Variants in ZNF106 observed in about 807,000 individuals in gnomAD.
ZNF106 encodes the protein zinc finger protein 106.
ZNF106 carries 67 observed loss-of-function variants against 195.1 expected under a neutral mutation model. The ratio of observed to expected loss-of-function variants is 0.34; its 90% CI spans 0.28 to 0.42. The LOEUF is 0.42. Among genes scored for constraint, ZNF106 ranks in the 10% least tolerant of loss-of-function variants. The pLI, the probability that ZNF106 is intolerant of heterozygous loss-of-function variation, is 1.00. For synonymous variants in ZNF106, 784 were observed against 818.6 expected (o/e 0.96, Z 0.72); for missense variants, 2,118 against 2,304.5 (o/e 0.92, Z 1.66).
intron 7 of ZNF106, among the ~76,000 whole-genome samples, chr15:42,445,214 TTC>T (rs1426149928): frequency 2.0e-5 from 3 of 152,196 alleles, no homozygotes; most frequent in African/African-American, 7.2e-5. Flanking sequence ...CATCACATCA[TTC>T]TGTCTCATCT....
intron 18 of ZNF106, among the ~76,000 whole-genome samples, chr15:42,422,249 C>G (rs1238574606): frequency 6.6e-6 from 1 of 151,942 alleles, no homozygotes; most frequent in Non-Finnish European, 1.5e-5. Flanking sequence ...ACAAGGAGAA[C>G]TAGACAGGTT....
At chr15:42,433,112 A>AT (rs1322197546) in intron 14 of ZNF106, among the ~76,000 whole-genome samples, 1 of 151,430 alleles carries the variant, frequency 6.6e-6, no homozygotes, top group African/African-American at 2.4e-5. Context: ...TTATTTATTT[A>AT]TTTATTTTTT....
At chr15:42,458,014 A>G (rs2056287632) in intron 3 of ZNF106, among the ~76,000 whole-genome samples, 2 of 152,170 alleles carry the variant, frequency 1.3e-5, no homozygotes, top group Admixed American at 6.5e-5. Context: ...CAGTAATTTA[A>G]CTGCTTTTTA....
At position 42,442,133 on chromosome 15, in the gene ZNF106, C is replaced by G. The variant is rs147121575; in HGVS notation, c.3703G>C (p.Val1235Leu). ...GCAGAGCTTGGTGGCACAGCATTCA[C>G]ATTCTCATCTTGTTCAGGAGACATG... Reference protein sequence around the residue: ...EPMSPEQDENVNAVPPSSACN... With the variant: ...EPMSPEQDENLNAVPPSSACN... Residue 1235 changes from valine to leucine, a missense_variant, in exon 10 of 22, where the codon GTG becomes CTG. Transcript: ENST00000564754. The G allele has an allele frequency of 5.6e-4, 911 of 1,614,074 alleles. 7 individuals carry two copies. Among genetic ancestry groups the G allele is most frequent in the Non-Finnish European group, 6.0e-4 (710 of 1,180,040 alleles).
chr15:42,437,335 C>T lies in ZNF106; in HGVS notation c.4643G>A (p.Gly1548Glu), dbSNP rs1441878105. 6.2e-7 allele frequency: 1 copy of T among 1,614,094 alleles called. No individual in the cohort carries two copies. Among genetic ancestry groups the T allele is most frequent in the East Asian group, 2.2e-5 (1 of 44,870 alleles). The change falls in exon 13 of 22, where the codon GGA becomes GAA. Residue 1548 changes from glycine (G) to glutamate (E), a missense_variant. Coordinates refer to ENST00000564754, the MANE Select transcript of ZNF106 (RefSeq NM_001366845.3). ...GGCAGCTTGGTGTCCCTCAAAGCTT[C>T]CTTCTGTGGGTTCATCATCATCTCC... is the stretch of plus-strand genomic sequence containing the variant. Reference protein sequence around the residue: ...EPGDDDEPTEGSFEGHQAAVN... With the variant: ...EPGDDDEPTEESFEGHQAAVN...
intron 4 of ZNF106, 100 bp from the exon 5 acceptor site, chr15:42,452,054 CTTAGA>C: frequency 1.5e-6 from 2 of 1,324,052 alleles, no homozygotes; most frequent in Non-Finnish European, 2.1e-6. Context: ...CCTCCCGTTA[CTTAGA>C]ATATGTAACC....
chr15:42,441,524 A>T (rs1327149268), intron 10 of ZNF106, among the ~76,000 whole-genome samples: 1 of 152,208 alleles, frequency 6.6e-6, no homozygotes, highest in Non-Finnish European at 1.5e-5. Flanking sequence ...AACTTCTAAC[A>T]GGATTTTACA....
At position 42,442,270 on chromosome 15, in the gene ZNF106, T is replaced by A. The variant is rs762599311; in HGVS notation, c.3566A>T (p.His1189Leu). 1.2e-6 allele frequency: 2 copies of A among 1,613,866 alleles called. No homozygotes were observed. Among genetic ancestry groups the A allele is most frequent in the African/African-American group, 2.7e-5 (2 of 74,830 alleles). ...GGCTCCGGTGGGTGATGGAGACACATGGGAAGATGGAGGCTCCAGAAAAAG... is the reference window on the plus strand; with the variant it reads ...GGCTCCGGTGGGTGATGGAGACACAAGGGAAGATGGAGGCTCCAGAAAAAG... ...FPLFLEPPSS[H>L]VSPSPTGASL... Residue 1189 changes from histidine to leucine, a missense_variant, in exon 10 of 22, where the codon CAT (histidine) becomes CTT (leucine). By Grantham distance (99) the His-to-Leu change is moderately conservative (BLOSUM62 -3). Transcript: ENST00000564754.
chr15:42,436,770 C>T (rs1215011351), intron 13 of ZNF106, among the ~76,000 whole-genome samples: 1 of 152,206 alleles, frequency 6.6e-6, no homozygotes, highest in Non-Finnish European at 1.5e-5. Flanking sequence ...TCCTCCAGTA[C>T]TTCCCCATAT....
chr15:42,419,350 C>T (rs1241384560), intron 20 of ZNF106, among the ~76,000 whole-genome samples: 3 of 151,590 alleles, frequency 2.0e-5, no homozygotes, highest in Non-Finnish European at 4.4e-5. Flanking sequence ...CAGAGCGAGA[C>T]TCTGTCTCAG....
chr15:42,420,133 A>G (rs1397411914), intron 20 of ZNF106, among the ~76,000 whole-genome samples: 3 of 151,988 alleles, frequency 2.0e-5, no homozygotes, highest in Non-Finnish European at 4.4e-5. Context: ...TCACTTTCTG[A>G]GGTTTTAGTT....
In ZNF106 at chr15:42,448,604, C is replaced by T. The variant is rs148215918; in HGVS notation, c.2603G>A (p.Gly868Asp). The T allele has an allele frequency of 5.0e-6, 8 of 1,614,034 alleles. No homozygotes were observed. The Admixed American group carries it at 5.0e-5, about 10-fold the overall frequency. The change falls in exon 6 of 22, where the codon GGT becomes GAT. Residue 868 changes from glycine (G) to aspartate (D), a missense_variant. Physicochemically the swap from Gly to Asp is moderately conservative, Grantham distance 94. Coordinates refer to ENST00000564754, the MANE Select transcript of ZNF106 (RefSeq NM_001366845.3). ...LSSLEGFQWE[G>D]VSISSSPGLA... ...GCCAGGGGACGAGGAAATGGAAACA[C>T]CTTCCCACTGGAATCCTTCTAGACT...
chr15:42,451,868 T>C lies in ZNF106; in HGVS notation c.404A>G (p.Gln135Arg). The C allele has an allele frequency of 2.5e-6, 4 of 1,614,216 alleles. No homozygotes were observed. The highest frequency in any genetic ancestry group is 3.4e-6 in the Non-Finnish European group (4 of 1,180,034). ...QWRREDRIPY[Q>R]DRESYSQPAW... ...AGGCTGACTGTAACTCTCTCTGTCTTGGTAAGGAATTCGGTCTTCTCGTCT... is the reference window on the plus strand; with the variant it reads ...AGGCTGACTGTAACTCTCTCTGTCTCGGTAAGGAATTCGGTCTTCTCGTCT... Residue 135 changes from glutamine (Q) to arginine (R), a missense_variant, in exon 5 of 22, where the codon CAA becomes CGA. By Grantham distance (43) the Gln-to-Arg change is conservative. Coordinates refer to ENST00000564754, the MANE Select transcript of ZNF106 (RefSeq NM_001366845.3).
rs368389372 is a variant in ZNF106 at position 42,429,023 on chromosome 15, C to T, written c.4882-889G>A. On this transcript the variant is annotated intron_variant, in intron 14 of 21. Transcript: ENST00000564754. ...CTCGTGATCTGCCCGCCTCGGCCTCCCTTACATGCATGAGCCACTGTGCCC... is the reference window on the plus strand; with the variant it reads ...CTCGTGATCTGCCCGCCTCGGCCTCTCTTACATGCATGAGCCACTGTGCCC... Among the ~76,000 whole-genome samples, 127 of 151,744 alleles carry T rather than the reference C, an allele frequency of 8.4e-4. 3 individuals carry two copies. Among genetic ancestry groups the T allele is most frequent in the African/African-American group, 3.0e-3 (123 of 41,206 alleles).
chr15:42,478,992 G>A (rs1034421121), intron 1 of ZNF106, among the ~76,000 whole-genome samples: 7 of 152,148 alleles, frequency 4.6e-5, no homozygotes, highest in African/African-American at 1.7e-4. Context: ...TTTCTCTTGT[G>A]ATTTCTTCTT....
At chr15:42,444,375 G>T in intron 8 of ZNF106, 113 bp from the exon 9 acceptor site, 1 of 768,850 alleles carries the variant, frequency 1.3e-6, no homozygotes. Context: ...TGACTGCTCT[G>T]TGACCCAGCC....
At chr15:42,449,743 A>G (rs761785731) in intron 5 of ZNF106, 28 bp downstream of exon 5, 60 of 1,572,784 alleles carry the variant, frequency 3.8e-5, no homozygotes, top group Non-Finnish European at 5.1e-5. Flanking sequence ...AAGTGAGGAA[A>G]AAAAAGACAC....
intron 7 of ZNF106, among the ~76,000 whole-genome samples, chr15:42,445,708 T>C (rs2055746538): frequency 6.6e-6 from 1 of 152,210 alleles, no homozygotes; most frequent in Non-Finnish European, 1.5e-5. Context: ...TTTCTAGCTC[T>C]ACATATGCTC....
intron 1 of ZNF106, among the ~76,000 whole-genome samples, chr15:42,483,119 T>C (rs1311770535): frequency 6.6e-6 from 1 of 152,182 alleles, no homozygotes; most frequent in African/African-American, 2.4e-5. Context: ...AAATGGGAAA[T>C]TACTCCAAGT....
Sources: allele counts gnomAD v4.1 joint callset (sites outside exome capture counted in the v4.1 genomes callset), GRCh38; gene constraint gnomAD v4.1.1; transcripts MANE v1.5; gene names NCBI Gene and HGNC (gene_info 2026-07-23, HGNC 2026-07-21).